Variants in LTBP1 observed in about 807,000 individuals in gnomAD.
LTBP1 encodes the protein latent transforming growth factor beta binding protein 1, also known as latent-transforming growth factor beta-binding protein 1.
LTBP1 carries 129 observed loss-of-function variants against 207.6 expected under a neutral mutation model. That is an observed-to-expected ratio of 0.62 (90% CI 0.54 to 0.72). The LOEUF (loss-of-function observed/expected upper bound fraction) is 0.72, where lower values mean the gene tolerates loss of function less well. LTBP1 is among the 30% of genes least tolerant of loss of function. The probability of loss-of-function intolerance (pLI) is 0.00; values close to 1 mark genes in which losing one functional copy is unlikely to be tolerated. For synonymous variants in LTBP1, 963 were observed against 833.7 expected, an observed-to-expected ratio of 1.16 and a Z score of -2.67; for missense variants, 2,281 against 2,217.2, an observed-to-expected ratio of 1.03 and a Z score of -0.58.
chr2:33,341,605 GGAGGCT>G (rs1292707856), intron 24 of LTBP1, among the ~76,000 whole-genome samples: 1 of 151,010 alleles, frequency 6.6e-6, no homozygotes, highest in Admixed American at 6.6e-5. Context: ...CAGCTACTCA[GGAGGCT>G]GAGGCAGGAG....
intron 24 of LTBP1, among the ~76,000 whole-genome samples, chr2:33,322,416 C>G (rs1291628417): frequency 6.6e-6 from 1 of 152,150 alleles, no homozygotes; most frequent in Non-Finnish European, 1.5e-5. Context: ...GTACTTGAGA[C>G]CTAAACTGTA....
At chr2:33,016,301 C>T (rs1457107014) in intron 2 of LTBP1, among the ~76,000 whole-genome samples, 1 of 152,056 alleles carries the variant, frequency 6.6e-6, no homozygotes, top group Non-Finnish European at 1.5e-5. Flanking sequence ...TTAACATTTA[C>T]CCTTGGTCAG....
intron 3 of LTBP1, among the ~76,000 whole-genome samples, chr2:33,072,263 A>G (rs530434596): frequency 2.1e-4 from 32 of 152,284 alleles, no homozygotes; most frequent in Admixed American, 9.2e-4. Context: ...CAGATCTTCC[A>G]TGTCCTCCCG....
chr2:32,959,549 ATGTGTGTG>A (rs10649487), intron 2 of LTBP1, among the ~76,000 whole-genome samples: 1 of 125,344 alleles, frequency 8.0e-6, no homozygotes, highest in Non-Finnish European at 1.6e-5. Context: ...CTGTATATAT[ATGTGTGTG>A]TGTGTGTGTG....
intron 3 of LTBP1, among the ~76,000 whole-genome samples, chr2:33,055,809 T>C (rs1032377072): frequency 6.6e-6 from 1 of 152,130 alleles, no homozygotes; most frequent in Non-Finnish European, 1.5e-5. Flanking sequence ...CAAATTCCCC[T>C]CCCCCTACAG....
intron 2 of LTBP1, among the ~76,000 whole-genome samples, chr2:33,003,912 C>G (rs1047653741): frequency 1.3e-5 from 2 of 152,188 alleles, no homozygotes; most frequent in African/African-American, 4.8e-5. Flanking sequence ...GACATCTGCC[C>G]AGCAACTGCC....
intron 2 of LTBP1, among the ~76,000 whole-genome samples, chr2:33,013,440 AT>A (rs1260543347): frequency 3.4e-5 from 5 of 148,534 alleles, no homozygotes; most frequent in East Asian, 2.0e-4. Context: ...ACTTTTATTA[AT>A]TTTTTTTATA....
At chr2:33,207,998 G>C (rs555128573) in intron 7 of LTBP1, among the ~76,000 whole-genome samples, 1 of 152,212 alleles carries the variant, frequency 6.6e-6, no homozygotes, top group Non-Finnish European at 1.5e-5. Context: ...CCAACAACCT[G>C]TTACATGTAG....
chr2:33,315,038 T>C (rs1339730379), intron 23 of LTBP1, 106 bp from the exon 24 acceptor site: 4 of 893,602 alleles, frequency 4.5e-6, no homozygotes, highest in African/African-American at 1.7e-5. Flanking sequence ...TTCCACTAAA[T>C]AAATGTCCAG....
Position 33,361,451 on chromosome 2 carries a change from C to A in LTBP1, c.4206C>A (p.Pro1402=). The A allele has an allele frequency of 6.2e-7, 1 of 1,611,240 alleles. No individual in the cohort carries two copies. Among genetic ancestry groups the A allele is most frequent in the South Asian group, 1.1e-5 (1 of 90,866 alleles). ...CAGCTGAGTTCACTGAAATGTGTCC[C>A]AAAGGGAAAGGTTTTGTGCCTGCTG... is the stretch of plus-strand genomic sequence containing the variant. The part of the protein sequence containing the change: ...LGTAEFTEMC[P]KGKGFVPAGE... Residue 1402 remains proline (P), a synonymous_variant, in exon 28 of 34, where the codon CCC becomes CCA. Coordinates refer to ENST00000404816, the MANE Select transcript of LTBP1 (RefSeq NM_206943.4).
At chr2:33,041,273 TTTC>T (rs1280179531) in intron 3 of LTBP1, among the ~76,000 whole-genome samples, 1 of 152,170 alleles carries the variant, frequency 6.6e-6, no homozygotes, top group Admixed American at 6.5e-5. Flanking sequence ...GACTGTGTCT[TTTC>T]TTTTTCTTTC....
chr2:33,389,645 T>C (rs1257412807), intron 32 of LTBP1, among the ~76,000 whole-genome samples: 1 of 152,210 alleles, frequency 6.6e-6, no homozygotes, highest in Non-Finnish European at 1.5e-5. Context: ...ATATTTACTT[T>C]TCTTAAAGTT....
At chr2:33,069,624 C>G (rs771018430) in intron 3 of LTBP1, among the ~76,000 whole-genome samples, 18 of 152,348 alleles carry the variant, frequency 1.2e-4, no homozygotes, top group Non-Finnish European at 2.4e-4. Context: ...GCCTCATAGA[C>G]TCAGGTTCCT....
intron 12 of LTBP1, 62 bp downstream of exon 12, chr2:33,257,573 CCT>C: frequency 7.2e-7 from 1 of 1,380,200 alleles, no homozygotes; most frequent in Non-Finnish European, 1.0e-6. Context: ...CTTTGATTTC[CCT>C]GTTTATAACC....
chr2:33,224,732 C>G (rs2091335866), intron 9 of LTBP1, among the ~76,000 whole-genome samples: 1 of 151,980 alleles, frequency 6.6e-6, no homozygotes, highest in Non-Finnish European at 1.5e-5. Flanking sequence ...TCCTAATATC[C>G]TCTTTTCTTT....
At chr2:33,112,237 G>A (rs1354135378) in intron 4 of LTBP1, among the ~76,000 whole-genome samples, 1 of 152,126 alleles carries the variant, frequency 6.6e-6, no homozygotes, top group Non-Finnish European at 1.5e-5. Flanking sequence ...CTGTGGTTTT[G>A]ATTTGTTTTC....
chr2:33,250,642 C>T (rs932441703), intron 10 of LTBP1, among the ~76,000 whole-genome samples: 1 of 152,188 alleles, frequency 6.6e-6, no homozygotes, highest in African/African-American at 2.4e-5. Flanking sequence ...CTTCGGCCCT[C>T]ACAGACTCTG....
chr2:33,031,845 C>A, intron 3 of LTBP1, among the ~76,000 whole-genome samples: 1 of 152,044 alleles, frequency 6.6e-6, no homozygotes, highest in African/African-American at 2.4e-5. Context: ...ATGAAGATGG[C>A]TCTGATAGTC....
At chr2:33,380,115 C>T (rs113643818) in intron 31 of LTBP1, among the ~76,000 whole-genome samples, 1 of 152,162 alleles carries the variant, frequency 6.6e-6, no homozygotes, top group African/African-American at 2.4e-5. Flanking sequence ...GATTAGATGT[C>T]CACGCTTACA....
Sources: allele counts gnomAD v4.1 joint callset (sites outside exome capture counted in the v4.1 genomes callset), GRCh38; gene constraint gnomAD v4.1.1; transcripts MANE v1.5; gene names NCBI Gene and HGNC (gene_info 2026-07-23, HGNC 2026-07-21).